Variants in AQP9 observed in about 807,000 individuals in gnomAD.
AQP9 encodes the protein aquaporin 9.
AQP9 carries 19 observed loss-of-function variants against 23.8 expected under a neutral mutation model. That is an observed-to-expected ratio of 0.80 (90% confidence interval 0.56 to 1.17). AQP9 has a LOEUF of 1.17. AQP9 is among the 50% of genes most tolerant of loss of function. The probability of loss-of-function intolerance (pLI) is 0.00; values close to 1 mark genes in which losing one functional copy is unlikely to be tolerated. For missense variants in AQP9, 413 were observed against 362.0 expected, an observed-to-expected ratio of 1.14 and a Z score of -1.14; for synonymous variants, 153 against 131.5, an observed-to-expected ratio of 1.16 and a Z score of -1.12.
intron 4 of AQP9, among the ~76,000 whole-genome samples, chr15:58,177,458 T>C (rs1412154149): frequency 6.6e-6 from 1 of 152,216 alleles, no homozygotes; most frequent in Non-Finnish European, 1.5e-5. Flanking sequence ...GGAGAAGGCA[T>C]TCCAGAGAAG....
chr15:58,139,897 CAAGACATTATGTAGT>C (rs1448918450), intron 1 of AQP9, among the ~76,000 whole-genome samples: 2 of 152,022 alleles, frequency 1.3e-5, no homozygotes, highest in East Asian at 1.9e-4. Context: ...CATAATGTAG[CAAGACATTATGTAGT>C]AAGACATTAT....
chr15:58,178,815 G>T (rs1483269662), intron 4 of AQP9, among the ~76,000 whole-genome samples: 1 of 152,140 alleles, frequency 6.6e-6, no homozygotes, highest in Non-Finnish European at 1.5e-5. Context: ...AGCTTAGCAG[G>T]ATAGTGTGGT....
rs556575392 is a variant in AQP9, at chr15:58,182,021, C to T, written c.714-1940C>T. 1.3e-3 allele frequency among the ~76,000 whole-genome samples: 198 copies of T among 152,216 alleles called. 1 individual carries two copies. The highest frequency in any genetic ancestry group is 4.4e-3 in the African/African-American group (183 of 41,530). On this transcript the variant is annotated intron_variant, in intron 5 of 5. Coordinates refer to ENST00000219919, the MANE Select transcript of AQP9 (RefSeq NM_020980.5). ...AAAAAAAACAAGGCTACCTTGTTCC[C>T]AGGTCCCCATGTACTCCTGAACGGC...
In AQP9 at chr15:58,157,493, GT is replaced by G. The variant is rs1898288363; in HGVS notation, c.112-9178del. On this transcript the variant is annotated intron_variant, in intron 1 of 5. Transcript: ENST00000219919. ...GTTGGGGGAACTGTTCAACTCCCTG[GT>G]TAGTGCCCCCAAATGCTGACCAGTG... Among the ~76,000 whole-genome samples the G allele has an allele frequency of 5.3e-5, 8 of 152,300 alleles. No homozygotes were observed. In the South Asian group the frequency reaches 1.7e-3, roughly 32 times the overall value.
intron 1 of AQP9, among the ~76,000 whole-genome samples, chr15:58,162,139 A>G (rs1898397262): frequency 1.3e-5 from 2 of 152,214 alleles, no homozygotes; most frequent in Non-Finnish European, 2.9e-5. Context: ...CCGTGTCATA[A>G]TGTGATACAC....
intron 1 of AQP9, among the ~76,000 whole-genome samples, chr15:58,159,956 C>A (rs762002585): frequency 6.6e-6 from 1 of 152,126 alleles, no homozygotes; most frequent in Non-Finnish European, 1.5e-5. Context: ...GTGAATAGTG[C>A]TGCAGTAAAC....
At chr15:58,171,462 A>G (rs762558115) in intron 2 of AQP9, among the ~76,000 whole-genome samples, 1 of 152,020 alleles carries the variant, frequency 6.6e-6, no homozygotes, top group Non-Finnish European at 1.5e-5. Context: ...CCTCTGGGAG[A>G]AGAGAAACTT....
chr15:58,167,251 G>C (rs1164257481), intron 2 of AQP9, among the ~76,000 whole-genome samples: 1 of 152,196 alleles, frequency 6.6e-6, no homozygotes, highest in East Asian at 1.9e-4. Context: ...GTGCAGATCT[G>C]ATCTACAAGG....
chr15:58,170,012 C>T (rs952271072), intron 2 of AQP9, among the ~76,000 whole-genome samples: 1 of 152,142 alleles, frequency 6.6e-6, no homozygotes, highest in Non-Finnish European at 1.5e-5. Context: ...ATCTTGTGCC[C>T]TGTGGGATCC....
In AQP9 at chr15:58,184,251, C is replaced by A. The variant is rs1898963725; in HGVS notation, c.*116C>A. ...GAATCCACCCAGTTTTGTCTGCTAG[C>A]CATATGGGACATCTAATTGGAAAAG... is the stretch of plus-strand genomic sequence containing the variant. On this transcript the variant is annotated 3_prime_UTR_variant, in exon 6 of 6. Transcript: ENST00000219919. The A allele has an allele frequency of 9.6e-7, 1 of 1,038,628 alleles. No homozygotes were observed. The highest frequency in any genetic ancestry group is 1.4e-6 in the Non-Finnish European group (1 of 714,358). The allele number at this position is 1,038,628 out of a possible 1,614,324, so 64.3% of individuals were successfully genotyped here. A position where few individuals can be genotyped will look rare whatever the true frequency, so the allele number is the denominator to read the frequency against.
Position 58,166,807 on chromosome 15 carries a change from G to A in AQP9, c.238+8G>A. The A allele has an allele frequency of 1.2e-6, 2 of 1,613,072 alleles. No individual in the cohort carries two copies. The highest frequency in any genetic ancestry group is 1.1e-5 in the South Asian group (1 of 90,898). ...TGGCTGGCGGTGTCTCTGGTAAGCA[G>A]TAGAAATAATGAATGCTGCTCTTAA... is the stretch of plus-strand genomic sequence containing the variant. On this transcript the variant is annotated splice_region_variant and intron_variant, in intron 2 of 5. Coordinates refer to ENST00000219919, the MANE Select transcript of AQP9 (RefSeq NM_020980.5).
chr15:58,144,427 C>T (rs1898003331), intron 1 of AQP9, among the ~76,000 whole-genome samples: 1 of 152,202 alleles, frequency 6.6e-6, no homozygotes, highest in South Asian at 2.1e-4. Context: ...CACCTGTTCA[C>T]ACGCATATGT....
intron 1 of AQP9, among the ~76,000 whole-genome samples, chr15:58,147,652 G>A (rs150803680): frequency 7.2e-5 from 11 of 152,188 alleles, no homozygotes; most frequent in African/African-American, 2.6e-4. Context: ...CCCTCTCAGC[G>A]CACATGCCTT....
intron 1 of AQP9, among the ~76,000 whole-genome samples, chr15:58,162,130 C>T (rs181349764): frequency 1.3e-5 from 2 of 152,106 alleles, no homozygotes; most frequent in Non-Finnish European, 2.9e-5. Flanking sequence ...GGTTAATTAC[C>T]GTGTCATAAT....
chr15:58,182,473 C>T (rs1376651796), intron 5 of AQP9, among the ~76,000 whole-genome samples: 1 of 152,150 alleles, frequency 6.6e-6, no homozygotes, highest in Non-Finnish European at 1.5e-5. Flanking sequence ...AGGACGTGTA[C>T]CCTGGCTGAT....
chr15:58,177,012 C>T (rs3784253), intron 4 of AQP9, among the ~76,000 whole-genome samples: 71,234 of 151,876 alleles, frequency 0.47, 17,648 homozygotes, highest in Admixed American at 0.6. Flanking sequence ...GTAGAAAAAG[C>T]GAATATTAGA....
intron 1 of AQP9, among the ~76,000 whole-genome samples, chr15:58,142,727 C>G (rs1311830099): frequency 1.3e-5 from 2 of 152,242 alleles, no homozygotes; most frequent in African/African-American, 4.8e-5. Flanking sequence ...CATAACTTCT[C>G]TGTCTTGCTT....
At chr15:58,181,454 T>G (rs903280350) in intron 5 of AQP9, among the ~76,000 whole-genome samples, 3 of 152,142 alleles carry the variant, frequency 2.0e-5, no homozygotes, top group Non-Finnish European at 4.4e-5. Flanking sequence ...GCTCCAAATT[T>G]AAGAATTATG....
intron 1 of AQP9, among the ~76,000 whole-genome samples, chr15:58,163,595 T>C (rs1309371025): frequency 6.6e-6 from 1 of 152,038 alleles, no homozygotes; most frequent in Non-Finnish European, 1.5e-5. Flanking sequence ...TTGAGAAGAA[T>C]CTGAATGGAC....
Sources: allele counts gnomAD v4.1 joint callset (sites outside exome capture counted in the v4.1 genomes callset), GRCh38; gene constraint gnomAD v4.1.1; transcripts MANE v1.5; gene names NCBI Gene and HGNC (gene_info 2026-07-23, HGNC 2026-07-21).